KY: variants seen among roughly 807,000 people sequenced by gnomAD.
KY encodes the protein kyphoscoliosis peptidase.
KY carries 43 observed loss-of-function variants against 76.1 expected under a neutral mutation model. That is an observed-to-expected ratio of 0.57 (90% CI 0.44 to 0.73). The LOEUF (loss-of-function observed/expected upper bound fraction) is 0.73, where lower values mean the gene tolerates loss of function less well. KY is among the 30% of genes least tolerant of loss of function. KY has a pLI of 0.00. For synonymous variants in KY, 277 were observed against 326.2 expected, an observed-to-expected ratio of 0.85 and a Z score of 1.63; for missense variants, 722 against 828.9, an observed-to-expected ratio of 0.87 and a Z score of 1.58.
Position 134,647,467 on chromosome 3 carries a change from C to A in KY, c.167G>T (p.Arg56Ile). ...GFQGVGNGVR[R>I]WQKLEGNDFH... ...GTCATTTCCTTCTAATTTCTGCCATCTTCGGACTCCATTTCCAACACCTTG... is the reference window on the plus strand; with the variant it reads ...GTCATTTCCTTCTAATTTCTGCCATATTCGGACTCCATTTCCAACACCTTG... Residue 56 changes from arginine to isoleucine, a missense_variant, in exon 2 of 11, where the codon AGA becomes ATA. Physicochemically the swap from Arg to Ile is moderately conservative, Grantham distance 97 (BLOSUM62 -3). Around this residue, in one of 2 missense-constraint regions of KY, gnomAD observed 170 missense variants for 148.1 expected, o/e 1.15. Coordinates refer to ENST00000423778, the MANE Select transcript of KY (RefSeq NM_178554.6). 6.2e-7 allele frequency: 1 copy of A among 1,612,486 alleles called. No individual in the cohort carries two copies. The highest frequency in any genetic ancestry group is 8.5e-7 in the Non-Finnish European group (1 of 1,178,924).
chr3:134,610,260 C>G lies in KY; in HGVS notation c.834G>C (p.Trp278Cys). The G allele has an allele frequency of 6.2e-7, 1 of 1,613,944 alleles. No individual in the cohort carries two copies. The highest frequency in any genetic ancestry group is 1.3e-5 in the African/African-American group (1 of 75,038). The change falls in exon 9 of 11, where the codon TGG (tryptophan) becomes TGC (cysteine). Residue 278 changes from tryptophan (W) to cysteine (C), a missense_variant. Trp to Cys is a radical substitution (Grantham distance 215, BLOSUM62 -2). Around this residue, in one of 2 missense-constraint regions of KY, gnomAD observed 552 missense variants for 680.9 expected, o/e 0.81. Coordinates refer to ENST00000423778, the MANE Select transcript of KY (RefSeq NM_178554.6). ...AWNAVYLEGR[W>C]HLVDSTWGSG... ...TGCCCCAGGTGCTGTCCACCAGGTG[C>G]CATCTTCCCTCCAGGTACACAGCAT...
chr3:134,623,354 A>G (rs1200607798), intron 6 of KY, among the ~76,000 whole-genome samples: 1 of 152,104 alleles, frequency 6.6e-6, no homozygotes, highest in Non-Finnish European at 1.5e-5. Flanking sequence ...ATTCACAGGT[A>G]ATGGCCTGGC....
intron 6 of KY, among the ~76,000 whole-genome samples, chr3:134,622,207 C>T (rs1430519204): frequency 6.6e-6 from 1 of 152,166 alleles, no homozygotes; most frequent in Non-Finnish European, 1.5e-5. Context: ...AATTTCAGTC[C>T]AAGGTACGCA....
intron 3 of KY, among the ~76,000 whole-genome samples, chr3:134,642,447 G>T (rs1304086960): frequency 2.0e-5 from 3 of 152,200 alleles, no homozygotes; most frequent in Non-Finnish European, 4.4e-5. Flanking sequence ...ACCAAGGTGG[G>T]CGTGAGAGTC....
intron 1 of KY, 104 bp downstream of exon 1, chr3:134,650,721 G>T (rs1966863635): frequency 1.8e-6 from 2 of 1,120,038 alleles, no homozygotes; most frequent in Non-Finnish European, 2.4e-6. Context: ...CGGGTTCGCT[G>T]ACCTCGTTCG....
chr3:134,624,918 A>G, intron 6 of KY, 135 bp downstream of exon 6: 1 of 755,334 alleles, frequency 1.3e-6, no homozygotes, highest in Non-Finnish European at 2.3e-6. Flanking sequence ...CCCATATGCT[A>G]TGAAAAGGCA....
chr3:134,634,285 G>A (rs1240272536), intron 3 of KY, among the ~76,000 whole-genome samples: 3 of 151,772 alleles, frequency 2.0e-5, no homozygotes, highest in Non-Finnish European at 4.4e-5. Flanking sequence ...CACAGGAACT[G>A]GAATAACTAA....
intron 7 of KY, among the ~76,000 whole-genome samples, chr3:134,620,392 T>C (rs1458060840): frequency 6.6e-6 from 1 of 152,136 alleles, no homozygotes; most frequent in African/African-American, 2.4e-5. Flanking sequence ...TCCCCACCAA[T>C]GGTAATCCTT....
intron 9 of KY, 47 bp from the exon 10 acceptor site, chr3:134,608,886 G>T: frequency 6.4e-7 from 1 of 1,565,774 alleles, no homozygotes; most frequent in Non-Finnish European, 8.7e-7. Context: ...TGCAGGGGAG[G>T]CAGGGGCCCA....
At chr3:134,643,235 A>T (rs1965983901) in intron 3 of KY, 81 bp downstream of exon 3, 1 of 1,395,692 alleles carries the variant, frequency 7.2e-7, no homozygotes, top group Admixed American at 1.8e-5. Context: ...TGAGCTCCAC[A>T]TCCTGGGCTG....
Position 134,604,312 on chromosome 3 carries a change from G to T in KY, c.1253C>A (p.Ala418Asp). ...GCTGTAGATGTCGGAGTTGCCCTTG[G>T]CAAAGATCTGCAGCTTGTGAGTGCC... ...TMGTHKLQIF[A>D]KGNSDIYSSV... The change falls in exon 11 of 11, where the codon GCC (alanine) becomes GAC (aspartate). Residue 418 changes from alanine (A) to aspartate (D), a missense_variant. By Grantham distance (126) the Ala-to-Asp change is moderately radical. Around this residue, in one of 2 missense-constraint regions of KY, gnomAD observed 552 missense variants for 680.9 expected, o/e 0.81. Transcript: ENST00000423778. The T allele has an allele frequency of 1.2e-6, 2 of 1,613,982 alleles. No individual in the cohort carries two copies. The highest frequency in any genetic ancestry group is 1.7e-6 in the Non-Finnish European group (2 of 1,179,886).
intron 8 of KY, among the ~76,000 whole-genome samples, chr3:134,612,002 A>G (rs945425731): frequency 1.3e-5 from 2 of 152,236 alleles, no homozygotes; most frequent in African/African-American, 2.4e-5. Context: ...AACAGATTCT[A>G]CTTTCCCAGC....
chr3:134,621,735 A>G (rs923926650), intron 6 of KY, among the ~76,000 whole-genome samples: 1 of 152,222 alleles, frequency 6.6e-6, no homozygotes, highest in African/African-American at 2.4e-5. Flanking sequence ...TGAAAATAAA[A>G]AATTTCTGTG....
intron 3 of KY, among the ~76,000 whole-genome samples, chr3:134,640,196 C>T (rs1434664304): frequency 6.8e-6 from 1 of 147,072 alleles, no homozygotes; most frequent in Non-Finnish European, 1.5e-5. Flanking sequence ...ACTGAAATCT[C>T]AGACTGCACA....
intron 10 of KY, chr3:134,607,506 A>T: frequency 1.0e-6 from 1 of 985,692 alleles, no homozygotes; most frequent in African/African-American, 1.7e-5. Context: ...AGACGGTGCC[A>T]CCAGGCAGTC....
At chr3:134,635,868 T>G (rs1160760776) in intron 3 of KY, among the ~76,000 whole-genome samples, 1 of 152,258 alleles carries the variant, frequency 6.6e-6, no homozygotes, top group Non-Finnish European at 1.5e-5. Context: ...ATTTCCACAT[T>G]TAAAAATCCA....
intron 3 of KY, among the ~76,000 whole-genome samples, chr3:134,637,923 C>T (rs1416312627): frequency 6.6e-6 from 1 of 152,216 alleles, no homozygotes; most frequent in African/African-American, 2.4e-5. Flanking sequence ...CCCAGATGCT[C>T]CAGCCATCAC....
Position 134,601,326 on chromosome 3 carries a change from A to G in KY, c.*2253T>C, listed in dbSNP as rs1183049692. ...GGCCTCCCTCTCTGGTGCTGGGGAC[A>G]GCTCCTATTTTGCTGGGTGGCATTC... On this transcript the variant is annotated 3_prime_UTR_variant, in exon 11 of 11. Transcript: ENST00000423778. 6.6e-6 allele frequency among the ~76,000 whole-genome samples: 1 copy of G among 152,120 alleles called. No homozygotes were observed. Among genetic ancestry groups the G allele is most frequent in the Admixed American group, 6.5e-5 (1 of 15,282 alleles).
intron 2 of KY, among the ~76,000 whole-genome samples, chr3:134,646,210 C>T (rs1966417903): frequency 6.6e-6 from 1 of 152,174 alleles, no homozygotes; most frequent in African/African-American, 2.4e-5. Flanking sequence ...TTAGCTTTGG[C>T]GTCTACTTCA....
Sources: allele counts gnomAD v4.1 joint callset (sites outside exome capture counted in the v4.1 genomes callset), GRCh38; gene constraint gnomAD v4.1.1; regional missense constraint gnomAD v4.1.1; transcripts MANE v1.5; gene names NCBI Gene and HGNC (gene_info 2026-07-23, HGNC 2026-07-21).